ITSN1: variants seen among roughly 807,000 people sequenced by gnomAD.
ITSN1 encodes the protein intersectin-1.
In ITSN1, 58 loss-of-function variants were observed where a neutral mutation model predicts 239.8. That is an observed-to-expected ratio of 0.24 (90% confidence interval 0.20 to 0.30). The LOEUF (loss-of-function observed/expected upper bound fraction) is 0.30, where lower values mean the gene tolerates loss of function less well. ITSN1 is among the 10% of genes least tolerant of loss of function. The pLI is 1.00. For missense variants in ITSN1, 1,558 were observed against 2,103.3 expected (o/e 0.74, Z 5.07); for synonymous variants, 780 against 770.8 (o/e 1.01, Z -0.20).
At chr21:33,727,000 T>C (rs1341909421) in intron 4 of ITSN1, among the ~76,000 whole-genome samples, 1 of 152,248 alleles carries the variant, frequency 6.6e-6, no homozygotes, top group Non-Finnish European at 1.5e-5. Flanking sequence ...AGTTAACTAA[T>C]TTGTTAACTT....
At chr21:33,806,080 G>A (rs2072418052) in intron 20 of ITSN1, among the ~76,000 whole-genome samples, 2 of 149,062 alleles carry the variant, frequency 1.3e-5, no homozygotes, top group Admixed American at 6.7e-5. Flanking sequence ...GCATAGTGGC[G>A]GGCGCCTGTA....
intron 1 of ITSN1, among the ~76,000 whole-genome samples, chr21:33,664,575 A>G (rs1381649006): frequency 6.6e-6 from 1 of 152,182 alleles, no homozygotes; most frequent in Non-Finnish European, 1.5e-5. Flanking sequence ...GGGGACACAT[A>G]GCAGTTACTA....
At chr21:33,843,219 A>G (rs1221247774) in intron 29 of ITSN1, among the ~76,000 whole-genome samples, 4 of 152,224 alleles carry the variant, frequency 2.6e-5, no homozygotes, top group Admixed American at 6.5e-5. Context: ...GCACAGATCT[A>G]TGGACATGTG....
At chr21:33,802,387 A>T (rs746522155) in intron 19 of ITSN1, 43 bp from the exon 20 acceptor site, 5 of 1,597,142 alleles carry the variant, frequency 3.1e-6, no homozygotes, top group East Asian at 2.2e-5. Flanking sequence ...GTCATTAAAC[A>T]TATATTTTGC....
At chr21:33,748,405 C>T (rs1000255717) in intron 5 of ITSN1, among the ~76,000 whole-genome samples, 6 of 151,944 alleles carry the variant, frequency 3.9e-5, no homozygotes, top group Non-Finnish European at 7.4e-5. Context: ...GCTGTGATCA[C>T]GTGACTGTAC....
At chr21:33,744,935 A>G (rs1476605831) in intron 5 of ITSN1, among the ~76,000 whole-genome samples, 1 of 152,264 alleles carries the variant, frequency 6.6e-6, no homozygotes, top group South Asian at 2.1e-4. Flanking sequence ...GGCATTTATT[A>G]TGCCTTTTGT....
chr21:33,886,211 A>G (rs932450950), intron 38 of ITSN1, 76 bp from the exon 39 acceptor site: 7 of 142,490 alleles, frequency 4.9e-5, no homozygotes, highest in Admixed American at 4.6e-4. Context: ...GAATCCATCT[A>G]AAAAAAAAAA....
At chr21:33,843,108 C>G (rs922456846) in intron 29 of ITSN1, among the ~76,000 whole-genome samples, 1 of 152,150 alleles carries the variant, frequency 6.6e-6, no homozygotes, top group African/African-American at 2.4e-5. Flanking sequence ...AGGCCTGCAC[C>G]TATACAGCTG....
chr21:33,813,827 T>G, intron 21 of ITSN1, 86 bp from the exon 22 acceptor site: 1 of 1,263,488 alleles, frequency 7.9e-7, no homozygotes, highest in African/African-American at 1.5e-5. Flanking sequence ...TGCTTGCTTT[T>G]TTTTTTTTTT....
intron 34 of ITSN1, among the ~76,000 whole-genome samples, chr21:33,881,822 GT>G (rs1451579840): frequency 2.0e-5 from 3 of 151,576 alleles, no homozygotes; most frequent in Middle Eastern, 6.8e-3. Flanking sequence ...CTCTACAAAA[GT>G]TTTTTTCACA....
In ITSN1 at chr21:33,765,212, A is replaced by T. The variant is rs552086544; in HGVS notation, c.789-663A>T. 2.0e-5 allele frequency among the ~76,000 whole-genome samples: 3 copies of T among 152,348 alleles called. No homozygotes were observed. The South Asian group carries it at 6.2e-4, about 32-fold the overall frequency. On this transcript the variant is annotated intron_variant, in intron 9 of 39. Transcript: ENST00000381318. The stretch of plus-strand genomic sequence containing the variant: ...AGTTTGTCATTTCCTGGTCTAGAGC[A>T]GAACATTTAACAATATAGAGCTGGG...
chr21:33,820,859 A>AG (rs369326727), intron 24 of ITSN1, among the ~76,000 whole-genome samples: 1 of 151,394 alleles, frequency 6.6e-6, no homozygotes, highest in Admixed American at 6.6e-5. Flanking sequence ...CCAAAAGATA[A>AG]AGAAAAAAAC....
intron 1 of ITSN1, among the ~76,000 whole-genome samples, chr21:33,717,195 T>C (rs1028707481): frequency 1.3e-5 from 2 of 152,040 alleles, no homozygotes; most frequent in African/African-American, 4.8e-5. Context: ...TTCTTTTTTT[T>C]TTTTTAATTT....
intron 33 of ITSN1, among the ~76,000 whole-genome samples, chr21:33,868,770 G>T (rs111295941): frequency 1.3e-3 from 198 of 152,292 alleles, no homozygotes; most frequent in African/African-American, 4.0e-3. Context: ...CTCCCAGAGT[G>T]CAGTGGTGGG....
At chr21:33,871,526 G>A (rs1038806862) in intron 33 of ITSN1, among the ~76,000 whole-genome samples, 11 of 152,038 alleles carry the variant, frequency 7.2e-5, no homozygotes, top group African/African-American at 2.4e-4. Context: ...GGCAGATCCC[G>A]AGGTCAAGAG....
chr21:33,801,391 C>G (rs1319738257), intron 19 of ITSN1, among the ~76,000 whole-genome samples: 1 of 152,178 alleles, frequency 6.6e-6, no homozygotes, highest in Non-Finnish European at 1.5e-5. Context: ...ATTCCTGTGT[C>G]CCCTTTTTTC....
intron 1 of ITSN1, among the ~76,000 whole-genome samples, chr21:33,652,075 G>T (rs2088588749): frequency 6.6e-6 from 1 of 152,150 alleles, no homozygotes; most frequent in Non-Finnish European, 1.5e-5. Context: ...ACCATCCAGT[G>T]ATAATGACTG....
chr21:33,874,367 C>T (rs1983314659), intron 33 of ITSN1, among the ~76,000 whole-genome samples: 1 of 152,032 alleles, frequency 6.6e-6, no homozygotes, highest in Admixed American at 6.6e-5. Flanking sequence ...AGGAAGGAGC[C>T]ACCCTTGCTG....
At chr21:33,811,531 A>G (rs140488105) in intron 21 of ITSN1, among the ~76,000 whole-genome samples, 2 of 152,348 alleles carry the variant, frequency 1.3e-5, no homozygotes, top group African/African-American at 4.8e-5. Flanking sequence ...CTAATAATCT[A>G]TTTTGACATC....
Sources: gnomAD v4.1 joint callset for allele counts (sites outside exome capture counted in the v4.1 genomes callset) on GRCh38, gnomAD v4.1.1 for gene constraint, MANE v1.5 for transcripts, NCBI Gene and HGNC (gene_info 2026-07-23, HGNC 2026-07-21) for gene names.